The following NUGGC variants were observed in gnomAD, a reference collection of about 807,000 sequenced individuals.
NUGGC encodes nuclear GTPase, germinal center associated, also known as nuclear GTPase SLIP-GC.
A neutral mutation model predicts 92.6 loss-of-function variants in NUGGC; 58 were observed. The ratio of observed to expected loss-of-function variants is 0.63; its 90% CI spans 0.51 to 0.78. The LOEUF (loss-of-function observed/expected upper bound fraction) is 0.78. NUGGC is among the 30% of genes least tolerant of loss of function. NUGGC has a pLI of 0.00. For synonymous variants in NUGGC, 376 were observed against 366.4 expected, an observed-to-expected ratio of 1.03 and a Z score of -0.30; for missense variants, 925 against 964.6, an observed-to-expected ratio of 0.96 and a Z score of 0.54.
At chr8:28,072,681 T>C (rs1810618157) in intron 2 of NUGGC, among the ~76,000 whole-genome samples, 1 of 152,198 alleles carries the variant, frequency 6.6e-6, no homozygotes, top group Non-Finnish European at 1.5e-5. Flanking sequence ...CTTCAATTTC[T>C]AAAATGCAAA....
At position 28,067,746 on chromosome 8, in the gene NUGGC, T is replaced by C. The variant is rs776130279; in HGVS notation, c.481-2A>G. ...GTTCTTCAGCTCCTCCCTCCACTCC[T>C]GCCAAGGCAGAGTAGGGCCAAGCCC... On this transcript the variant is annotated splice_acceptor_variant, in intron 5 of 18. Transcript: ENST00000413272. LOFTEE classifies it high-confidence loss of function. The C allele has an allele frequency of 5.6e-5, 90 of 1,608,918 alleles. No individual in the cohort carries two copies. The highest frequency in any genetic ancestry group is 7.4e-5 in the Non-Finnish European group (87 of 1,177,280).
intron 7 of NUGGC, among the ~76,000 whole-genome samples, chr8:28,061,445 GTTTA>G (rs1810303254): frequency 6.6e-6 from 1 of 152,174 alleles, no homozygotes; most frequent in East Asian, 1.9e-4. Context: ...CAGGGATTGA[GTTTA>G]TTTGTGGTTC....
At position 28,064,720 on chromosome 8, in the gene NUGGC, C is replaced by T. The variant is rs1782669033; in HGVS notation, c.723G>A (p.Leu241=). The T allele has an allele frequency of 6.2e-7, 1 of 1,613,818 alleles. No individual in the cohort carries two copies. Among genetic ancestry groups the T allele is most frequent in the African/African-American group, 1.3e-5 (1 of 74,922 alleles). The change falls in exon 7 of 19, where the codon CTG becomes CTA. Residue 241 remains leucine (L), a synonymous_variant. Transcript: ENST00000413272. ...GGATGTAGGGGTCCAGCTTGATGGACAGCTCTTCTGCCTGAAGAAGGAGGA... is the reference window on the plus strand; with the variant it reads ...GGATGTAGGGGTCCAGCTTGATGGATAGCTCTTCTGCCTGAAGAAGGAGGA... The part of the protein sequence containing the change: ...ITLKAEEAEE[L]SIKLDPYIRT...
intron 13 of NUGGC, among the ~76,000 whole-genome samples, chr8:28,038,250 T>C (rs767816434): frequency 6.6e-6 from 1 of 152,214 alleles, no homozygotes; most frequent in Non-Finnish European, 1.5e-5. Flanking sequence ...ACTTTCTGAC[T>C]GTCTTGTGGT....
intron 1 of NUGGC, among the ~76,000 whole-genome samples, chr8:28,081,756 T>A (rs1810855493): frequency 6.6e-6 from 1 of 152,026 alleles, no homozygotes; most frequent in African/African-American, 2.4e-5. Flanking sequence ...CACATGCCTG[T>A]AGTCCCAGCT....
intron 18 of NUGGC, among the ~76,000 whole-genome samples, chr8:28,024,850 T>C (rs1337695815): frequency 2.0e-5 from 3 of 152,188 alleles, no homozygotes; most frequent in African/African-American, 7.2e-5. Flanking sequence ...GTCCCAGCCC[T>C]GAATAACCAC....
intron 12 of NUGGC, among the ~76,000 whole-genome samples, chr8:28,042,097 A>G (rs1213543665): frequency 6.6e-6 from 1 of 152,198 alleles, no homozygotes; most frequent in African/African-American, 2.4e-5. Flanking sequence ...ACATGCCACC[A>G]TGTAAGACAT....
chr8:28,026,583 C>T (rs1809266352), intron 18 of NUGGC, among the ~76,000 whole-genome samples: 1 of 152,212 alleles, frequency 6.6e-6, no homozygotes, highest in Non-Finnish European at 1.5e-5. Context: ...TAGCCGCTTT[C>T]CAGCTATGGG....
chr8:28,048,668 C>T (rs1361728814), intron 10 of NUGGC, among the ~76,000 whole-genome samples: 1 of 152,004 alleles, frequency 6.6e-6, no homozygotes, highest in Non-Finnish European at 1.5e-5. Context: ...TCGAGACCAG[C>T]CTGGCCAATA....
At chr8:28,040,151 C>A (rs1809655596) in intron 13 of NUGGC, among the ~76,000 whole-genome samples, 2 of 152,110 alleles carry the variant, frequency 1.3e-5, no homozygotes, top group African/African-American at 4.8e-5. Flanking sequence ...TTCAGGCCAC[C>A]CAGTCTATAG....
At chr8:28,074,857 T>C (rs1241892717) in intron 1 of NUGGC, among the ~76,000 whole-genome samples, 5 of 152,128 alleles carry the variant, frequency 3.3e-5, no homozygotes, top group Non-Finnish European at 7.4e-5. Flanking sequence ...GAGAATCTCT[T>C]GAACCTGGGA....
intron 13 of NUGGC, among the ~76,000 whole-genome samples, chr8:28,034,173 G>A (rs972384891): frequency 5.9e-5 from 9 of 152,184 alleles, no homozygotes; most frequent in African/African-American, 2.2e-4. Context: ...TCTAAGGATA[G>A]TCCAGATTTC....
Position 28,029,361 on chromosome 8 carries a change from T to C in NUGGC, c.2059A>G (p.Lys687Glu). 3 of 1,612,546 alleles carry C rather than the reference T, an allele frequency of 1.9e-6. No individual in the cohort carries two copies. Among genetic ancestry groups the C allele is most frequent in the Non-Finnish European group, 2.5e-6 (3 of 1,179,304 alleles). Residue 687 changes from lysine (K) to glutamate (E), a missense_variant, in exon 17 of 19, where the codon AAA becomes GAA. Coordinates refer to ENST00000413272, the MANE Select transcript of NUGGC (RefSeq NM_001010906.2). ...TCCACTCCTCTTCTGATGGCATCTTTCATCCGCTCACACGCTTTTTTGCCC... is the reference window on the plus strand; with the variant it reads ...TCCACTCCTCTTCTGATGGCATCTTCCATCCGCTCACACGCTTTTTTGCCC... ...ITGKKACERM[K>E]DAIRRGVDRQ...
At position 28,067,481 on chromosome 8, in the gene NUGGC, A is replaced by G. The variant is rs1373445977; in HGVS notation, c.711+33T>C. On this transcript the variant is annotated intron_variant, in intron 6 of 18. Transcript: ENST00000413272. ...TCAACTGTTAGACTTGAGACCCAGG[A>G]TGAAATCAAGGAAAAAACGAACTTG... The G allele has an allele frequency of 2.9e-6, 4 of 1,392,318 alleles. No individual in the cohort carries two copies. In the African/African-American group the frequency reaches 5.7e-5, roughly 20 times the overall value. 86.2% of individuals were successfully genotyped at this position (1,392,318 alleles called of 1,614,324 possible).
At chr8:28,050,670 T>C (rs1366488953) in intron 10 of NUGGC, among the ~76,000 whole-genome samples, 1 of 150,986 alleles carries the variant, frequency 6.6e-6, no homozygotes, top group African/African-American at 2.4e-5. Flanking sequence ...AATTAGCCAG[T>C]TGTGGTGGCG....
chr8:28,054,508 TATA>T (rs1427524779), intron 10 of NUGGC, among the ~76,000 whole-genome samples: 1 of 151,774 alleles, frequency 6.6e-6, no homozygotes, highest in African/African-American at 2.4e-5. Flanking sequence ...AAAAAAAGAC[TATA>T]ATAATAATAA....
Position 28,045,235 on chromosome 8 carries a change from C to T in NUGGC, c.1446+292G>A, listed in dbSNP as rs115847321. 5.6e-3 allele frequency among the ~76,000 whole-genome samples: 851 copies of T among 152,266 alleles called. 6 individuals carry two copies. Among genetic ancestry groups the T allele is most frequent in the African/African-American group, 0.019 (794 of 41,540 alleles). On this transcript the variant is annotated intron_variant, in intron 12 of 18. Transcript: ENST00000413272. ...AAGCAAGCCAAATCACGCCTGCCAT[C>T]GCTTAAACACATTCCACCTTGTTCG...
chr8:28,077,394 C>CA lies in NUGGC; in HGVS notation c.-46-2939dup, dbSNP rs11291704. 4.7e-3 allele frequency among the ~76,000 whole-genome samples: 622 copies of CA among 133,430 alleles called. 3 individuals carry two copies. Among genetic ancestry groups the CA allele is most frequent in the Admixed American group, 8.4e-3 (110 of 13,096 alleles). The allele number at this position is 133,430 out of a possible 152,430, so 87.5% of individuals were successfully genotyped here. On this transcript the variant is annotated intron_variant, in intron 1 of 18. Transcript: ENST00000413272. Reference sequence around the variant, plus strand: ...CAATCAAGTGAGACCTTGACACTACCAAAAAAAAAAAAAAAGAAAGAAAGT... The same window carrying CA: ...CAATCAAGTGAGACCTTGACACTACCAAAAAAAAAAAAAAAAGAAAGAAAGT...
chr8:28,081,385 C>T (rs1810845914), intron 1 of NUGGC, among the ~76,000 whole-genome samples: 1 of 152,144 alleles, frequency 6.6e-6, no homozygotes, highest in South Asian at 2.1e-4. Context: ...CAAAATTGCT[C>T]TGCAGGCACT....
Sources: allele counts gnomAD v4.1 joint callset (sites outside exome capture counted in the v4.1 genomes callset), GRCh38; gene constraint gnomAD v4.1.1; transcripts MANE v1.5; gene names NCBI Gene and HGNC (gene_info 2026-07-23, HGNC 2026-07-21).